ZNG1B: variants seen among roughly 807,000 people sequenced by gnomAD.
ZNG1B encodes the protein Zn regulated GTPase metalloprotein activator 1B, also known as zinc-regulated GTPase metalloprotein activator 1B.
the ZNG1B span, chr2:113,468,489 G>C: frequency 7.0e-6 from 1 of 142,500 alleles, no homozygotes; most frequent in Non-Finnish European, 1.5e-5. Flanking sequence ...AAAAGCATTA[G>C]GTACTTCTGG....
chr2:113,456,546 A>G, the ZNG1B span, among the ~76,000 whole-genome samples: 12 of 152,228 alleles, frequency 7.9e-5, no homozygotes, highest in African/African-American at 2.9e-4. Flanking sequence ...TTATATGTAT[A>G]GTTGAGTATG....
chr2:113,454,735 T>C, the ZNG1B span: 1 of 1,575,734 alleles, frequency 6.3e-7, no homozygotes, highest in Non-Finnish European at 8.7e-7. Context: ...GTTTTTTCCT[T>C]TGTAGGTATC....
chr2:113,478,442 AT>A, the ZNG1B span, among the ~76,000 whole-genome samples: 10 of 142,256 alleles, frequency 7.0e-5, no homozygotes, highest in South Asian at 2.3e-4. Flanking sequence ...TGCCTGACTA[AT>A]TTTTTTTTTT....
chr2:113,451,030 C>T, the ZNG1B span, among the ~76,000 whole-genome samples: 1 of 152,080 alleles, frequency 6.6e-6, no homozygotes, highest in African/African-American at 2.4e-5. Context: ...GACCTCAGAC[C>T]TCTCATTTCT....
the ZNG1B span, among the ~76,000 whole-genome samples, chr2:113,483,577 AT>A: frequency 6.6e-6 from 1 of 150,484 alleles, no homozygotes; most frequent in East Asian, 1.9e-4. Flanking sequence ...ATTAATGTAT[AT>A]TTTTAACATT....
At chr2:113,488,394 G>A in the ZNG1B span, among the ~76,000 whole-genome samples, 3 of 152,100 alleles carry the variant, frequency 2.0e-5, no homozygotes, top group East Asian at 5.8e-4. Context: ...CATTCTCTCT[G>A]ACAGAGCCTA....
the ZNG1B span, among the ~76,000 whole-genome samples, chr2:113,490,650 T>C: frequency 6.6e-6 from 1 of 152,018 alleles, no homozygotes; most frequent in Non-Finnish European, 1.5e-5. Flanking sequence ...ACGGGAGATA[T>C]TACAACTGAC....
the ZNG1B span, among the ~76,000 whole-genome samples, chr2:113,489,909 A>G: frequency 6.7e-6 from 1 of 148,386 alleles, no homozygotes. Flanking sequence ...CAACACAATA[A>G]TAGTGAGGGA....
the ZNG1B span, among the ~76,000 whole-genome samples, chr2:113,446,405 A>T: frequency 1.3e-5 from 2 of 152,216 alleles, no homozygotes; most frequent in African/African-American, 4.8e-5. Context: ...TTAAATACCT[A>T]AAAAATACAA....
At chr2:113,470,343 A>G in the ZNG1B span, 1 of 152,188 alleles carries the variant, frequency 6.6e-6, no homozygotes, top group Non-Finnish European at 1.5e-5. Context: ...CTCAATCACC[A>G]GTCTTTATAA....
chr2:113,453,010 A>T, the ZNG1B span: 2 of 1,451,934 alleles, frequency 1.4e-6, no homozygotes, highest in Non-Finnish European at 1.9e-6. Context: ...AGCTTCTATC[A>T]CTATAATTTC....
the ZNG1B span, chr2:113,495,181 A>G: frequency 2.4e-5 from 36 of 1,502,708 alleles, 6 homozygotes; most frequent in African/African-American, 4.5e-5. Context: ...CATGAGCTCT[A>G]TGATCTGGAG....
the ZNG1B span, among the ~76,000 whole-genome samples, chr2:113,452,331 G>A: frequency 6.6e-6 from 1 of 151,994 alleles, no homozygotes; most frequent in African/African-American, 2.4e-5. Flanking sequence ...CAGAGTAGGT[G>A]GACAGCTTTA....
chr2:113,467,063 C>CAAAA, the ZNG1B span, among the ~76,000 whole-genome samples: 1 of 63,286 alleles, frequency 1.6e-5, no homozygotes, highest in Non-Finnish European at 3.0e-5. Context: ...GACTCTGTCT[C>CAAAA]AAAAAAAAAA....
the ZNG1B span, among the ~76,000 whole-genome samples, chr2:113,451,670 T>C: frequency 6.6e-6 from 1 of 152,220 alleles, no homozygotes; most frequent in Admixed American, 6.5e-5. Context: ...TGTTCATTCA[T>C]CTTTACTCCT....
At chr2:113,444,980 G>C in the ZNG1B span, 1 of 1,610,638 alleles carries the variant, frequency 6.2e-7, no homozygotes, top group Non-Finnish European at 8.5e-7. Context: ...TGGCCTTAGA[G>C]CTATTGAGAA....
chr2:113,438,850 T>A, the ZNG1B span, among the ~76,000 whole-genome samples: 40,738 of 151,454 alleles, frequency 0.27, 5,693 homozygotes, highest in East Asian at 0.52. Context: ...ATAATATTCC[T>A]AGTTGTTGCT....
At chr2:113,459,414 T>G in the ZNG1B span, among the ~76,000 whole-genome samples, 1 of 151,916 alleles carries the variant, frequency 6.6e-6, no homozygotes, top group South Asian at 2.1e-4. Flanking sequence ...ATTATGAAAC[T>G]GGTTTGGCTC....
chr2:113,456,520 G>T, the ZNG1B span, among the ~76,000 whole-genome samples: 1 of 151,394 alleles, frequency 6.6e-6, no homozygotes, highest in Non-Finnish European at 1.5e-5. Flanking sequence ...TGTATTTTAT[G>T]ATTATAGGAA....
Sources: allele counts gnomAD v4.1 joint callset (sites outside exome capture counted in the v4.1 genomes callset), GRCh38; gene constraint gnomAD v4.1.1; transcripts MANE v1.5; gene names NCBI Gene and HGNC (gene_info 2026-07-23, HGNC 2026-07-21).